SPIN1: variants seen among roughly 807,000 people sequenced by gnomAD.
The protein encoded by SPIN1 is spindlin-1.
Under a neutral mutation model 26.0 loss-of-function variants are expected in SPIN1, and 3 were observed. The observed-to-expected ratio is 0.12, with a 90% CI of 0.05 to 0.30. SPIN1 has a LOEUF of 0.30. SPIN1 is among the 10% of genes least tolerant of loss of function. The pLI, the probability that SPIN1 is intolerant of heterozygous loss-of-function variation, is 1.00. For synonymous variants in SPIN1, 101 were observed against 116.5 expected (o/e 0.87, Z 0.86); for missense variants, 126 against 333.4 (o/e 0.38, Z 4.84).
intron 4 of SPIN1, among the ~76,000 whole-genome samples, chr9:88,466,567 T>A (rs1333627971): frequency 6.6e-6 from 1 of 152,224 alleles, no homozygotes; most frequent in African/African-American, 2.4e-5. Context: ...TTCTGTGTAA[T>A]TTTTTATTAT....
At chr9:88,388,996 G>A (rs978726671) in intron 1 of SPIN1, among the ~76,000 whole-genome samples, 1 of 150,662 alleles carries the variant, frequency 6.6e-6, no homozygotes, top group African/African-American at 2.4e-5. Context: ...TCCCGGGCCG[G>A]CGACGGGGGC....
intron 1 of SPIN1, among the ~76,000 whole-genome samples, chr9:88,412,962 G>T (rs909916488): frequency 6.6e-6 from 1 of 151,704 alleles, no homozygotes; most frequent in Admixed American, 6.6e-5. Context: ...GATTACAGGC[G>T]TGAGCCACCG....
intron 1 of SPIN1, among the ~76,000 whole-genome samples, chr9:88,415,423 A>G (rs1356946336): frequency 2.6e-5 from 4 of 152,040 alleles, no homozygotes; most frequent in South Asian, 4.1e-4. Context: ...AGTTCCATTC[A>G]TTGTAACATT....
At chr9:88,444,867 A>G (rs987490068) in intron 2 of SPIN1, among the ~76,000 whole-genome samples, 9 of 150,520 alleles carry the variant, frequency 6.0e-5, no homozygotes, top group African/African-American at 1.7e-4. Flanking sequence ...ATTTTTTTGT[A>G]TTTTTAGTAG....
At chr9:88,465,752 A>G (rs916070037) in intron 4 of SPIN1, among the ~76,000 whole-genome samples, 2 of 152,224 alleles carry the variant, frequency 1.3e-5, no homozygotes, top group Non-Finnish European at 2.9e-5. Flanking sequence ...CATTGTAACT[A>G]ACCTTTAAGG....
At chr9:88,467,949 A>AGTG (rs1327780244) in intron 4 of SPIN1, among the ~76,000 whole-genome samples, 1 of 152,132 alleles carries the variant, frequency 6.6e-6, no homozygotes, top group Non-Finnish European at 1.5e-5. Flanking sequence ...GGAGAAGCAA[A>AGTG]GTGAACCGTA....
At chr9:88,475,046 T>A in intron 5 of SPIN1, 32 bp from the exon 6 acceptor site, 1 of 1,275,038 alleles carries the variant, frequency 7.8e-7, no homozygotes, top group Non-Finnish European at 1.0e-6. Context: ...TCTCTCTCTC[T>A]CTTTTTTTTT....
chr9:88,440,402 G>T (rs371428822), intron 2 of SPIN1, among the ~76,000 whole-genome samples: 1 of 152,056 alleles, frequency 6.6e-6, no homozygotes, highest in Non-Finnish European at 1.5e-5. Context: ...CAAGCGATCC[G>T]TCCACCTTAG....
intron 1 of SPIN1, among the ~76,000 whole-genome samples, chr9:88,419,431 C>G (rs964031567): frequency 1.6e-4 from 25 of 152,168 alleles, no homozygotes; most frequent in African/African-American, 5.5e-4. Context: ...CCTTGCTCTC[C>G]CTTGTGCAGG....
Position 88,438,981 on chromosome 9 carries a change from TTTAAA to T in SPIN1, c.53-9959_53-9955del, listed in dbSNP as rs566704810. Reference sequence around the variant, plus strand: ...TGAGGCGGTTGACTAGAGGAAACACTTTAAAAAACCATCCAGTAGAATGCTTGCTC... The same window carrying T: ...TGAGGCGGTTGACTAGAGGAAACACTAAACCATCCAGTAGAATGCTTGCTC... On this transcript the variant is annotated intron_variant, in intron 2 of 5. Coordinates refer to ENST00000375859, the MANE Select transcript of SPIN1 (RefSeq NM_006717.3). Among the ~76,000 whole-genome samples, 3 of 152,224 alleles carry T rather than the reference TTTAAA, an allele frequency of 2.0e-5. No individual in the cohort carries two copies. In the South Asian group the frequency reaches 6.3e-4, roughly 32 times the overall value.
chr9:88,458,666 TAGAG>T (rs369894587), intron 3 of SPIN1, among the ~76,000 whole-genome samples: 4 of 151,864 alleles, frequency 2.6e-5, no homozygotes, highest in Admixed American at 6.6e-5. Flanking sequence ...TTCATGCCTC[TAGAG>T]AGAGAGAGAA....
chr9:88,440,057 T>C (rs981063047), intron 2 of SPIN1, among the ~76,000 whole-genome samples: 3 of 152,216 alleles, frequency 2.0e-5, no homozygotes, highest in Admixed American at 6.5e-5. Context: ...CAGTTTTTGC[T>C]TTCCACTCTT....
intron 3 of SPIN1, among the ~76,000 whole-genome samples, chr9:88,460,054 C>G (rs1395083088): frequency 1.3e-5 from 2 of 152,118 alleles, no homozygotes; most frequent in East Asian, 3.9e-4. Flanking sequence ...TTGGATATGC[C>G]TTAGCGCCAG....
At chr9:88,454,164 T>TTAA (rs1165892474) in intron 3 of SPIN1, among the ~76,000 whole-genome samples, 9 of 152,338 alleles carry the variant, frequency 5.9e-5, no homozygotes, top group African/African-American at 2.2e-4. Flanking sequence ...AGTATTGCTC[T>TTAA]GTGAGGGGAT....
intron 1 of SPIN1, among the ~76,000 whole-genome samples, chr9:88,420,480 T>A (rs540386405): frequency 2.0e-5 from 3 of 152,232 alleles, no homozygotes; most frequent in Non-Finnish European, 4.4e-5. Flanking sequence ...CAGCCAGTCC[T>A]CTGAAGCTGA....
intron 1 of SPIN1, among the ~76,000 whole-genome samples, chr9:88,417,431 C>T (rs1380619495): frequency 2.6e-5 from 4 of 152,148 alleles, no homozygotes; most frequent in Non-Finnish European, 5.9e-5. Context: ...GCCCCCATTT[C>T]TCATGCCAGT....
intron 2 of SPIN1, among the ~76,000 whole-genome samples, chr9:88,444,543 C>A (rs1828204853): frequency 3.3e-5 from 5 of 151,468 alleles, no homozygotes. Context: ...GCGCCCGGCC[C>A]CCATTCTGTT....
At chr9:88,466,706 A>G (rs1480684696) in intron 4 of SPIN1, among the ~76,000 whole-genome samples, 1 of 152,182 alleles carries the variant, frequency 6.6e-6, no homozygotes, top group Non-Finnish European at 1.5e-5. Context: ...TTGTTGAATG[A>G]GGAAAATAGG....
rs528435717 is a variant in SPIN1 at position 88,424,038 on chromosome 9, G to T, written c.-158-2344G>T. ...CTACTTTGGCCTCCCAAGGTGTTGG[G>T]TTTACAGGTGTGAACCACTGCGCCT... On this transcript the variant is annotated intron_variant, in intron 1 of 5. Transcript: ENST00000375859. 4.6e-5 allele frequency among the ~76,000 whole-genome samples: 7 copies of T among 152,322 alleles called. No homozygotes were observed. In the South Asian group the frequency reaches 1.0e-3, roughly 23 times the overall value.
Sources: gnomAD v4.1 joint callset for allele counts (sites outside exome capture counted in the v4.1 genomes callset) on GRCh38, gnomAD v4.1.1 for gene constraint, MANE v1.5 for transcripts, NCBI Gene and HGNC (gene_info 2026-07-23, HGNC 2026-07-21) for gene names.